GALK2: variants seen among roughly 807,000 people sequenced by gnomAD.
The protein encoded by GALK2 is N-acetylgalactosamine kinase.
GALK2 carries 36 observed loss-of-function variants against 52.4 expected under a neutral mutation model. That is an observed-to-expected ratio of 0.69 (90% CI 0.53 to 0.91). The LOEUF is 0.91. GALK2 is among the 40% of genes least tolerant of loss of function. GALK2 has a pLI of 0.00. For synonymous variants in GALK2, 176 were observed against 199.1 expected (o/e 0.88, Z 0.98); for missense variants, 579 against 559.1 (o/e 1.04, Z -0.36).
chr15:49,209,296 T>A (rs2141344617), intron 2 of GALK2, among the ~76,000 whole-genome samples: 1 of 152,352 alleles, frequency 6.6e-6, no homozygotes, highest in South Asian at 2.1e-4. Flanking sequence ...TCTGACTTCC[T>A]CCTTTCCAAT....
chr15:49,250,165 A>G (rs568102257), intron 5 of GALK2, among the ~76,000 whole-genome samples: 21 of 152,280 alleles, frequency 1.4e-4, no homozygotes, highest in African/African-American at 4.8e-4. Flanking sequence ...ATTTATGTTC[A>G]AGTGCTATTT....
intron 7 of GALK2, among the ~76,000 whole-genome samples, chr15:49,290,227 C>G (rs16962301): frequency 6.6e-6 from 1 of 152,176 alleles, no homozygotes; most frequent in East Asian, 1.9e-4. Flanking sequence ...GTTTTTCAAG[C>G]CAAATTTCAA....
At chr15:49,250,533 A>G (rs1487165020) in intron 5 of GALK2, among the ~76,000 whole-genome samples, 1 of 152,162 alleles carries the variant, frequency 6.6e-6, no homozygotes, top group Non-Finnish European at 1.5e-5. Context: ...GAATTTATAT[A>G]ATGTCACCAA....
At chr15:49,226,114 T>G (rs1381117690) in intron 3 of GALK2, among the ~76,000 whole-genome samples, 2 of 152,184 alleles carry the variant, frequency 1.3e-5, no homozygotes, top group African/African-American at 4.8e-5. Flanking sequence ...CACCTATGGC[T>G]GTATTCTGCT....
At chr15:49,301,555 A>G (rs545198485) in intron 8 of GALK2, among the ~76,000 whole-genome samples, 1 of 152,252 alleles carries the variant, frequency 6.6e-6, no homozygotes, top group South Asian at 2.1e-4. Context: ...AAGAACACAC[A>G]TTGGAGGACA....
chr15:49,318,886 C>T (rs891447769), intron 8 of GALK2: 4 of 442,792 alleles, frequency 9.0e-6, no homozygotes, highest in Non-Finnish European at 1.8e-5. Flanking sequence ...TTTCTGTTAA[C>T]AGGGATCATA....
intron 2 of GALK2, among the ~76,000 whole-genome samples, chr15:49,210,898 C>T (rs1206170633): frequency 6.6e-6 from 1 of 151,576 alleles, no homozygotes; most frequent in African/African-American, 2.4e-5. Context: ...AGGCATGTGC[C>T]ACCATGCCTG....
At chr15:49,276,539 T>G (rs2141719587) in intron 5 of GALK2, among the ~76,000 whole-genome samples, 1 of 152,348 alleles carries the variant, frequency 6.6e-6, no homozygotes, top group South Asian at 2.1e-4. Flanking sequence ...TTTAAGTAGG[T>G]ATGGAGTATT....
At chr15:49,267,025 GT>G (rs1384503284) in intron 5 of GALK2, among the ~76,000 whole-genome samples, 10 of 152,056 alleles carry the variant, frequency 6.6e-5, no homozygotes, top group African/African-American at 2.2e-4. Flanking sequence ...TGGAAGGGAG[GT>G]ACTTGAGCCA....
chr15:49,292,793 A>G (rs956286543), intron 8 of GALK2, among the ~76,000 whole-genome samples: 5 of 151,946 alleles, frequency 3.3e-5, no homozygotes, highest in Non-Finnish European at 7.4e-5. Flanking sequence ...TCTCTTTTTT[A>G]TCTTTTTTTT....
chr15:49,281,524 C>T (rs1355612722), intron 5 of GALK2, among the ~76,000 whole-genome samples: 2 of 152,176 alleles, frequency 1.3e-5, no homozygotes, highest in Admixed American at 6.5e-5. Context: ...AATGGAAATG[C>T]CAGAGAGACT....
chr15:49,305,913 G>T (rs1452586074), intron 8 of GALK2, among the ~76,000 whole-genome samples: 1 of 152,196 alleles, frequency 6.6e-6, no homozygotes, highest in Non-Finnish European at 1.5e-5. Flanking sequence ...GGAGTGCTGT[G>T]AAATAGCAGC....
At chr15:49,241,942 A>G (rs938740163) in intron 5 of GALK2, among the ~76,000 whole-genome samples, 1 of 152,202 alleles carries the variant, frequency 6.6e-6, no homozygotes, top group Non-Finnish European at 1.5e-5. Flanking sequence ...AACAATATGT[A>G]TATCCTGGCT....
At chr15:49,302,112 G>A (rs185859275) in intron 8 of GALK2, among the ~76,000 whole-genome samples, 3 of 152,234 alleles carry the variant, frequency 2.0e-5, no homozygotes, top group African/African-American at 4.8e-5. Context: ...AGCTGGAGCC[G>A]GACTCCAAAT....
chr15:49,247,814 A>T (rs1320250596), intron 5 of GALK2, among the ~76,000 whole-genome samples: 1 of 152,228 alleles, frequency 6.6e-6, no homozygotes, highest in African/African-American at 2.4e-5. Flanking sequence ...TTGCAGCCTC[A>T]TGAAATTCCT....
chr15:49,317,637 T>G (rs1476568785), intron 8 of GALK2, among the ~76,000 whole-genome samples: 1 of 152,082 alleles, frequency 6.6e-6, no homozygotes, highest in Non-Finnish European at 1.5e-5. Flanking sequence ...CTATTCACAA[T>G]AGCAAAGACT....
intron 8 of GALK2, among the ~76,000 whole-genome samples, chr15:49,301,125 A>T (rs1185735002): frequency 6.6e-6 from 1 of 152,040 alleles, no homozygotes; most frequent in African/African-American, 2.4e-5. Flanking sequence ...TTTTTTAAGG[A>T]TGTTAACCTT....
Position 49,230,897 on chromosome 15 carries a change from T to C in GALK2, c.267-4954T>C, listed in dbSNP as rs551531126. Among the ~76,000 whole-genome samples, 4 of 152,252 alleles carry C rather than the reference T, an allele frequency of 2.6e-5. No homozygotes were observed. The South Asian group carries it at 8.3e-4, about 32-fold the overall frequency. On this transcript the variant is annotated intron_variant, in intron 3 of 9. Coordinates refer to ENST00000560031, the MANE Select transcript of GALK2 (RefSeq NM_002044.4). ...GGATAATGTAATGCAGGGTTGAGAATTGGTGGGAAAATGAGTGGTTTTGAA... is the reference window on the plus strand; with the variant it reads ...GGATAATGTAATGCAGGGTTGAGAACTGGTGGGAAAATGAGTGGTTTTGAA...
chr15:49,207,022 A>G (rs1034422092), intron 2 of GALK2, among the ~76,000 whole-genome samples: 17 of 152,146 alleles, frequency 1.1e-4, no homozygotes, highest in Non-Finnish European at 1.5e-4. Flanking sequence ...TTTTATGTCA[A>G]TTTTGCTGAG....
Sources: gnomAD v4.1 joint callset for allele counts (sites outside exome capture counted in the v4.1 genomes callset) on GRCh38, gnomAD v4.1.1 for gene constraint, MANE v1.5 for transcripts, NCBI Gene and HGNC (gene_info 2026-07-23, HGNC 2026-07-21) for gene names.